CHODL: variants seen among roughly 807,000 people sequenced by gnomAD.
CHODL encodes the protein transmembrane protein MT75.
In CHODL, 29 loss-of-function variants were observed where a neutral mutation model predicts 34.5. That is an observed-to-expected ratio of 0.84 (90% CI 0.63 to 1.15). CHODL has a LOEUF of 1.15. Among genes scored for constraint, CHODL ranks in the 50% most tolerant of loss-of-function variants. The pLI is 0.00. For synonymous variants in CHODL, 125 were observed against 116.1 expected, an observed-to-expected ratio of 1.08 and a Z score of -0.49; for missense variants, 332 against 332.5, an observed-to-expected ratio of 1.00 and a Z score of 0.01.
At chr21:18,258,184 C>CT (rs2074339222) in intron 3 of CHODL, among the ~76,000 whole-genome samples, 1 of 151,312 alleles carries the variant, frequency 6.6e-6, no homozygotes, top group African/African-American at 2.5e-5. Flanking sequence ...GTATTAGCCA[C>CT]CTTTTTTTTT....
chr21:17,969,812 T>C lies in CHODL; in HGVS notation c.-145+52412T>C, dbSNP rs143539700. Among the ~76,000 whole-genome samples, 985 of 152,296 alleles carry C rather than the reference T, an allele frequency of 6.5e-3. 10 individuals carry two copies. Among genetic ancestry groups the C allele is most frequent in the African/African-American group, 0.023 (939 of 41,562 alleles). On this transcript the variant is annotated intron_variant, in intron 1 of 6. Transcript: ENST00000400127. The stretch of plus-strand genomic sequence containing the variant: ...TATAAGCTTCAATGTCCTAAAGGTG[T>C]ATATGACTTTAAGGCTTCTTAATAT...
At chr21:18,016,461 A>AG (rs1228863737) in intron 1 of CHODL, among the ~76,000 whole-genome samples, 2 of 152,226 alleles carry the variant, frequency 1.3e-5, no homozygotes, top group Non-Finnish European at 2.9e-5. Context: ...TCCAGGCAGA[A>AG]GAAAAAAAGA....
At chr21:18,185,442 G>A (rs1438706559) in intron 2 of CHODL, among the ~76,000 whole-genome samples, 1 of 152,046 alleles carries the variant, frequency 6.6e-6, no homozygotes, top group Non-Finnish European at 1.5e-5. Context: ...TCTGGGTTGG[G>A]TCCAAGTCTT....
intron 1 of CHODL, among the ~76,000 whole-genome samples, chr21:17,941,286 CTTTTTT>C (rs34255623): frequency 2.3e-5 from 2 of 87,958 alleles, no homozygotes; most frequent in Admixed American, 1.3e-4. Context: ...TAACTTGCCT[CTTTTTT>C]TTTTTTTTTT....
In CHODL at chr21:18,256,717, T is replaced by C. The variant is rs375671735; in HGVS notation, c.288T>C (p.Asp96=). The C allele has an allele frequency of 4.5e-5, 72 of 1,614,006 alleles. No individual in the cohort carries two copies. The African/African-American group carries it at 7.3e-4, about 16-fold the overall frequency. Residue 96 remains aspartate, a synonymous_variant, in exon 2 of 6, where the codon GAT becomes GAC. Transcript: ENST00000299295. The part of the protein sequence containing the change: ...NLTKPGTGIS[D]GDFWIGLWRN... ...CAAAACCCGGGACAGGGATTTCTGATGGTGATTTCTGGATAGGGCTTTGGA... is the reference window on the plus strand; with the variant it reads ...CAAAACCCGGGACAGGGATTTCTGACGGTGATTTCTGGATAGGGCTTTGGA...
intron 2 of CHODL, among the ~76,000 whole-genome samples, chr21:18,201,973 T>G (rs1321407845): frequency 6.6e-6 from 1 of 151,694 alleles, no homozygotes; most frequent in Non-Finnish European, 1.5e-5. Context: ...CTCGACTAAT[T>G]TTTTGTATTT....
At chr21:18,083,470 A>C (rs157050) in intron 2 of CHODL, among the ~76,000 whole-genome samples, 62,201 of 151,950 alleles carry the variant, frequency 0.41, 13,903 homozygotes, top group Non-Finnish European at 0.51. Context: ...GTCCTCCAGA[A>C]CCCAGAATGG....
chr21:18,231,379 G>A (rs1033296052), intron 2 of CHODL, among the ~76,000 whole-genome samples: 3 of 152,056 alleles, frequency 2.0e-5, no homozygotes, highest in Non-Finnish European at 4.4e-5. Context: ...GCCACTGTGC[G>A]TGTGCTATAT....
chr21:18,064,893 C>G (rs2064713191), intron 2 of CHODL, among the ~76,000 whole-genome samples: 1 of 152,148 alleles, frequency 6.6e-6, no homozygotes, highest in African/African-American at 2.4e-5. Flanking sequence ...ACAGAATAAA[C>G]AAGAATATTG....
intron 2 of CHODL, among the ~76,000 whole-genome samples, chr21:18,179,013 A>C (rs2073349644): frequency 6.6e-6 from 1 of 152,158 alleles, no homozygotes; most frequent in South Asian, 2.1e-4. Context: ...CAGTTTTCCA[A>C]AACCCTTTCT....
chr21:17,919,508 C>G (rs545790011), intron 1 of CHODL, among the ~76,000 whole-genome samples: 41 of 152,186 alleles, frequency 2.7e-4, no homozygotes, highest in Non-Finnish European at 5.0e-4. Flanking sequence ...ACACAGGGCA[C>G]CAAGTCCCTA....
intron 2 of CHODL, among the ~76,000 whole-genome samples, chr21:18,071,856 A>T (rs158020): frequency 0.47 from 71,128 of 151,976 alleles, 18,039 homozygotes; most frequent in East Asian, 0.95. Flanking sequence ...AAATATCACA[A>T]CCGTCTTCAA....
At chr21:17,981,689 G>T (rs2063715309) in intron 1 of CHODL, among the ~76,000 whole-genome samples, 1 of 152,204 alleles carries the variant, frequency 6.6e-6, no homozygotes, top group South Asian at 2.1e-4. Flanking sequence ...ACTCATGGAT[G>T]TAATTCACAG....
At chr21:18,259,333 T>C (rs2074352918) in intron 3 of CHODL, among the ~76,000 whole-genome samples, 1 of 151,842 alleles carries the variant, frequency 6.6e-6, no homozygotes. Flanking sequence ...AATAGAGCAA[T>C]ACGAAATCAT....
intron 2 of CHODL, among the ~76,000 whole-genome samples, chr21:18,173,425 T>G (rs1284942704): frequency 6.6e-6 from 1 of 152,200 alleles, no homozygotes; most frequent in African/African-American, 2.4e-5. Flanking sequence ...TGTTAATCGG[T>G]TCAGTCATTT....
chr21:18,245,935 G>C (rs8129789), intron 1 of CHODL: 1 of 1,535,580 alleles, frequency 6.5e-7, no homozygotes, highest in South Asian at 1.2e-5. Context: ...GTTGGGCCGA[G>C]GTATACTTGG....
At chr21:18,181,667 G>A (rs1207579749) in intron 2 of CHODL, among the ~76,000 whole-genome samples, 1 of 152,202 alleles carries the variant, frequency 6.6e-6, no homozygotes, top group Non-Finnish European at 1.5e-5. Context: ...TAGGATTACA[G>A]GCGTGAGCCA....
intron 1 of CHODL, among the ~76,000 whole-genome samples, chr21:17,944,911 C>T (rs774109207): frequency 1.8e-4 from 27 of 152,096 alleles, no homozygotes; most frequent in Non-Finnish European, 2.6e-4. Flanking sequence ...GAAATCATGA[C>T]GCTTCAGAAA....
chr21:17,983,578 CA>C (rs973996711), intron 1 of CHODL, among the ~76,000 whole-genome samples: 1 of 152,088 alleles, frequency 6.6e-6, no homozygotes, highest in African/African-American at 2.4e-5. Flanking sequence ...ATCAGGTAGT[CA>C]AAACATAGTA....
Sources: gnomAD v4.1 joint callset for allele counts (sites outside exome capture counted in the v4.1 genomes callset) on GRCh38, gnomAD v4.1.1 for gene constraint, MANE v1.5 for transcripts, NCBI Gene and HGNC (gene_info 2026-07-23, HGNC 2026-07-21) for gene names.